Variants in PCDH15 observed in about 807,000 individuals in gnomAD.
PCDH15 encodes the protein protocadherin related 15.
PCDH15 carries 129 observed loss-of-function variants against 178.5 expected under a neutral mutation model. That is an observed-to-expected ratio of 0.72 (90% CI 0.63 to 0.84). The LOEUF is 0.84. Ranked by LOEUF, PCDH15 falls within the 40% of genes least tolerant of loss-of-function variation. PCDH15 has a pLI of 0.00. For synonymous variants in PCDH15, 800 were observed against 732.0 expected (o/e 1.09, Z -1.50); for missense variants, 2,230 against 2,099.9 (o/e 1.06, Z -1.21).
chr10:54,030,472 T>G (rs780568269), intron 18 of PCDH15, among the ~76,000 whole-genome samples: 4 of 151,786 alleles, frequency 2.6e-5, no homozygotes, highest in Non-Finnish European at 5.9e-5. Context: ...AGGTAAATTT[T>G]TTCACTCTCC....
chr10:55,530,035 C>A (rs1841415096), intron 2 of PCDH15, among the ~76,000 whole-genome samples: 1 of 151,372 alleles, frequency 6.6e-6, no homozygotes, highest in Non-Finnish European at 1.5e-5. Context: ...AGTGAAGTCA[C>A]CTTTATTAAA....
At chr10:53,874,474 G>A (rs1233893212) in intron 26 of PCDH15, among the ~76,000 whole-genome samples, 1 of 151,976 alleles carries the variant, frequency 6.6e-6, no homozygotes, top group African/African-American at 2.4e-5. Context: ...CCAACTCAAG[G>A]AGAAATCATA....
intron 1 of PCDH15, among the ~76,000 whole-genome samples, chr10:54,722,593 A>G (rs1755598395): frequency 6.8e-6 from 1 of 147,808 alleles, no homozygotes; most frequent in East Asian, 2.2e-4. Flanking sequence ...AAAAAAAAAA[A>G]ATGTCAAATT....
At chr10:55,545,561 C>T (rs933134120) in intron 2 of PCDH15, among the ~76,000 whole-genome samples, 1 of 151,670 alleles carries the variant, frequency 6.6e-6, no homozygotes, top group Non-Finnish European at 1.5e-5. Context: ...CAGGCGCACG[C>T]TGCCACACCT....
chr10:55,043,995 T>C (rs904111324), intron 2 of PCDH15, among the ~76,000 whole-genome samples: 1 of 152,048 alleles, frequency 6.6e-6, no homozygotes, highest in Non-Finnish European at 1.5e-5. Context: ...ATCCAGAATA[T>C]AGATCCTCCA....
intron 2 of PCDH15, among the ~76,000 whole-genome samples, chr10:55,607,661 C>G (rs1273237482): frequency 2.0e-5 from 3 of 146,594 alleles, no homozygotes; most frequent in Non-Finnish European, 3.0e-5. Flanking sequence ...AAAAACCAAA[C>G]ACCGCATATT....
intron 2 of PCDH15, among the ~76,000 whole-genome samples, chr10:54,616,124 G>C (rs1037552541): frequency 1.3e-5 from 2 of 151,856 alleles, no homozygotes; most frequent in African/African-American, 4.8e-5. Context: ...AAGTGGCTAA[G>C]AAAAAAATTA....
chr10:55,580,738 T>C (rs553876372), intron 2 of PCDH15, among the ~76,000 whole-genome samples: 2 of 152,256 alleles, frequency 1.3e-5, no homozygotes, highest in African/African-American at 4.8e-5. Context: ...TCTAATCTAA[T>C]AGGAAAAATG....
intron 19 of PCDH15, among the ~76,000 whole-genome samples, chr10:54,022,586 G>A (rs1228142349): frequency 2.6e-5 from 4 of 151,920 alleles, no homozygotes; most frequent in African/African-American, 9.7e-5. Context: ...ATAAACTATT[G>A]TATTGTCAAC....
chr10:54,110,232 C>T (rs1033711275), intron 15 of PCDH15, among the ~76,000 whole-genome samples: 1 of 150,212 alleles, frequency 6.7e-6, no homozygotes, highest in Admixed American at 6.7e-5. Context: ...TTGGTTTAAC[C>T]CAGTGACATT....
At chr10:55,039,995 T>C (rs183407195) in intron 2 of PCDH15, among the ~76,000 whole-genome samples, 2 of 152,186 alleles carry the variant, frequency 1.3e-5, no homozygotes, top group East Asian at 1.9e-4. Context: ...CATTCATCCA[T>C]AGCATTTTAG....
intron 3 of PCDH15, among the ~76,000 whole-genome samples, chr10:54,819,588 TAAAG>T (rs1430427511): frequency 2.0e-5 from 3 of 152,040 alleles, no homozygotes; most frequent in African/African-American, 4.8e-5. Flanking sequence ...GGTGTATGAA[TAAAG>T]ATTCTTTAAA....
chr10:53,997,611 C>CA (rs779639552), intron 20 of PCDH15, among the ~76,000 whole-genome samples: 162 of 151,596 alleles, frequency 1.1e-3, no homozygotes, highest in Non-Finnish European at 1.7e-3. Context: ...TCTTCAGAAA[C>CA]AAAAAAAATG....
chr10:53,822,204 A>G (rs749010348), intron 32 of PCDH15: 4 of 1,613,938 alleles, frequency 2.5e-6, no homozygotes, highest in Non-Finnish European at 3.4e-6. Flanking sequence ...TGTTATACAG[A>G]CACACTCTGT....
chr10:54,323,907 TTGAGA>T (rs907594406), intron 7 of PCDH15, among the ~76,000 whole-genome samples: 5 of 152,180 alleles, frequency 3.3e-5, no homozygotes, highest in African/African-American at 1.2e-4. Context: ...CATTTTTTGT[TTGAGA>T]TATTTGCCTA....
intron 2 of PCDH15, among the ~76,000 whole-genome samples, chr10:55,346,754 G>C (rs1844765438): frequency 6.6e-6 from 1 of 151,124 alleles, no homozygotes; most frequent in Non-Finnish European, 1.5e-5. Context: ...AGTCTAAATA[G>C]AGTATTATTT....
intron 2 of PCDH15, among the ~76,000 whole-genome samples, chr10:55,385,728 T>C (rs1837641706): frequency 6.9e-6 from 1 of 145,686 alleles, no homozygotes; most frequent in Non-Finnish European, 1.5e-5. Flanking sequence ...TGCATATATA[T>C]ATACACGTAT....
chr10:54,534,706 T>C (rs2084292009), intron 2 of PCDH15, among the ~76,000 whole-genome samples: 3 of 152,210 alleles, frequency 2.0e-5, no homozygotes, highest in Non-Finnish European at 2.9e-5. Context: ...AAGAAGGTAC[T>C]GTGTTCTCTT....
intron 2 of PCDH15, among the ~76,000 whole-genome samples, chr10:54,906,367 A>T (rs554161050): frequency 1.1e-3 from 172 of 152,284 alleles, no homozygotes; most frequent in Non-Finnish European, 1.9e-3. Context: ...TTTAATTTAA[A>T]TTGCAACAAT....
Sources: allele counts gnomAD v4.1 joint callset (sites outside exome capture counted in the v4.1 genomes callset), GRCh38; gene constraint gnomAD v4.1.1; transcripts MANE v1.5; gene names NCBI Gene and HGNC (gene_info 2026-07-23, HGNC 2026-07-21).